The following TRIP11 variants were observed in gnomAD, a reference collection of about 807,000 sequenced individuals.
The protein encoded by TRIP11 is thyroid receptor-interacting protein 11.
TRIP11 carries 148 observed loss-of-function variants against 223.1 expected under a neutral mutation model. The observed-to-expected ratio is 0.66, with a 90% CI of 0.58 to 0.76. TRIP11 has a LOEUF of 0.76. Among genes scored for constraint, TRIP11 ranks in the 30% least tolerant of loss-of-function variants. The pLI is 0.00. For synonymous variants in TRIP11, 762 were observed against 772.6 expected, an observed-to-expected ratio of 0.99 and a Z score of 0.23; for missense variants, 2,043 against 2,222.0, an observed-to-expected ratio of 0.92 and a Z score of 1.62.
In TRIP11 at chr14:92,015,728, C is replaced by T. The variant is rs372119113; in HGVS notation, c.791G>A (p.Arg264Gln). ...HREELSDYEE[R>Q]IEELENLLQQ... ...TAACAGATTTTCAAGTTCTTCAATT[C>T]GTTCTTCATAGTCACTTAATTCTTC... Residue 264 changes from arginine to glutamine, a missense_variant, in exon 6 of 21, where the codon CGA becomes CAA. Arg to Gln is a conservative substitution (Grantham distance 43). Coordinates refer to ENST00000267622, the MANE Select transcript of TRIP11 (RefSeq NM_004239.4). The T allele has an allele frequency of 1.6e-5, 25 of 1,611,500 alleles. No homozygotes were observed. Among genetic ancestry groups the T allele is most frequent in the East Asian group, 2.2e-5 (1 of 44,838 alleles).
At chr14:91,989,257 TC>T (rs1459766781) in intron 15 of TRIP11, among the ~76,000 whole-genome samples, 1 of 152,142 alleles carries the variant, frequency 6.6e-6, no homozygotes, top group African/African-American at 2.4e-5. Flanking sequence ...TCAGCACCAC[TC>T]CCAGTTGAAA....
rs1309383176 is a variant in TRIP11 at position 92,003,894 on chromosome 14, G to T, written c.4082C>A (p.Ala1361Glu). The change falls in exon 11 of 21, where the codon GCA (alanine) becomes GAA (glutamate). Residue 1361 changes from alanine (A) to glutamate (E), a missense_variant. Coordinates refer to ENST00000267622, the MANE Select transcript of TRIP11 (RefSeq NM_004239.4). ...ELRKSLQEKD[A>E]TIRTLQENNH... ...ATTTTCCTGGAGAGTTCTAATTGTT[G>T]CATCTTTTTCCTGTAGTGATTTTCT... is the stretch of plus-strand genomic sequence containing the variant. 1.2e-6 allele frequency: 2 copies of T among 1,613,860 alleles called. No homozygotes were observed. Among genetic ancestry groups the T allele is most frequent in the African/African-American group, 1.3e-5 (1 of 74,904 alleles).
rs2057025015 is a variant in TRIP11 at position 92,015,562 on chromosome 14, G to A, written c.823+134C>T. The A allele has an allele frequency of 9.4e-6, 6 of 639,812 alleles. No homozygotes were observed. In the East Asian group the frequency reaches 1.6e-4, roughly 17 times the overall value. 39.6% of individuals were successfully genotyped at this position (639,812 alleles called of 1,614,324 possible). ...TAATCCAGCTACTTGGGAGGCTGAT[G>A]CAGGAGAATCGCTTGAACCCGGGGG... is the stretch of plus-strand genomic sequence containing the variant. On this transcript the variant is annotated intron_variant, in intron 6 of 20. Coordinates refer to ENST00000267622, the MANE Select transcript of TRIP11 (RefSeq NM_004239.4).
intron 16 of TRIP11, among the ~76,000 whole-genome samples, chr14:91,984,317 C>CTTTTTTTTTTTTTT: frequency 7.8e-6 from 1 of 127,922 alleles, no homozygotes; most frequent in Non-Finnish European, 1.6e-5. Flanking sequence ...TTTTTCTTTT[C>CTTTTTTTTTTTTTT]TTTTTTTTTT....
At chr14:91,990,755 C>T (rs796802031) in intron 15 of TRIP11, among the ~76,000 whole-genome samples, 33 of 152,296 alleles carry the variant, frequency 2.2e-4, no homozygotes, top group African/African-American at 7.2e-4. Context: ...GACAGGAGGA[C>T]TGTTTGAGCC....
intron 16 of TRIP11, among the ~76,000 whole-genome samples, chr14:91,984,472 T>C (rs966339566): frequency 6.6e-6 from 1 of 151,900 alleles, no homozygotes; most frequent in African/African-American, 2.4e-5. Context: ...TGAGCCACCA[T>C]GCCTGGCTAA....
chr14:91,984,830 T>C (rs1382759670), intron 16 of TRIP11, among the ~76,000 whole-genome samples: 2 of 152,222 alleles, frequency 1.3e-5, no homozygotes, highest in East Asian at 3.8e-4. Context: ...ATGTGCTTCA[T>C]AGGCCACTCT....
Position 91,999,292 on chromosome 14 carries a change from T to G in TRIP11, c.4840A>C (p.Thr1614Pro). Residue 1614 changes from threonine (T) to proline (P), a missense_variant, in exon 13 of 21, where the codon ACA becomes CCA. Physicochemically the swap from Thr to Pro is conservative, Grantham distance 38 (BLOSUM62 -1). Transcript: ENST00000267622. ...DREAKLRKKVTVLEEKLVSSS... is the reference protein window; with the variant it reads ...DREAKLRKKVPVLEEKLVSSS... Reference sequence around the variant, plus strand: ...GAAACTAGCTTTTCCTCCAATACTGTGACTTTCTTTCTTAGTTTAGCCTCT... The same window carrying G: ...GAAACTAGCTTTTCCTCCAATACTGGGACTTTCTTTCTTAGTTTAGCCTCT... 6.2e-7 allele frequency: 1 copy of G among 1,613,918 alleles called. No individual in the cohort carries two copies.
rs908012701 is a variant in TRIP11 at position 92,000,048 on chromosome 14, C to T, written c.4618G>A (p.Val1540Ile). 2 of 1,613,876 alleles carry T rather than the reference C, an allele frequency of 1.2e-6. No homozygotes were observed. The highest frequency in any genetic ancestry group is 1.3e-5 in the African/African-American group (1 of 74,910). ...TGGTCTCTCTCCTGTTGAAACACAA[C>T]TGTCTTCTCCTGCATTGATTTAACT... is the stretch of plus-strand genomic sequence containing the variant. ...NAVKSMQEKT[V>I]VFQQERDQVM... Residue 1540 changes from valine to isoleucine, a missense_variant, in exon 12 of 21, where the codon GTT (valine) becomes ATT (isoleucine). Val to Ile is a conservative substitution (Grantham distance 29). Coordinates refer to ENST00000267622, the MANE Select transcript of TRIP11 (RefSeq NM_004239.4).
chr14:92,035,086 C>A (rs1021743910), intron 1 of TRIP11, among the ~76,000 whole-genome samples: 4 of 150,624 alleles, frequency 2.7e-5, no homozygotes, highest in Admixed American at 6.6e-5. Flanking sequence ...AGGTGGATCA[C>A]TTGAGGTCAG....
chr14:91,999,044 C>A (rs1469096178), intron 13 of TRIP11, among the ~76,000 whole-genome samples, 196 bp downstream of exon 13: 1 of 152,150 alleles, frequency 6.6e-6, no homozygotes, highest in Non-Finnish European at 1.5e-5. Context: ...GTCACAGACT[C>A]AAATGTGAAA....
Position 91,995,401 on chromosome 14 carries a change from A to G in TRIP11, c.5007T>C (p.Tyr1669=), listed in dbSNP as rs2140105655. ...LSVSQEQVKQ[Y]ALSLANLQMV... ...TCTGCAGGTTGGCCAGTGACAGAGC[A>G]TACTGCTTTACTTGTTCCTGAGAGA... Residue 1669 remains tyrosine (Y), a synonymous_variant, in exon 14 of 21, where the codon TAT becomes TAC. Transcript: ENST00000267622. The G allele has an allele frequency of 6.2e-7, 1 of 1,614,086 alleles. No homozygotes were observed. The highest frequency in any genetic ancestry group is 1.7e-5 in the Admixed American group (1 of 60,022).
At chr14:91,985,545 C>T (rs2056595169) in intron 16 of TRIP11, among the ~76,000 whole-genome samples, 1 of 152,170 alleles carries the variant, frequency 6.6e-6, no homozygotes, top group Non-Finnish European at 1.5e-5. Context: ...TATAATCAAC[C>T]ATTTGGAATA....
Position 92,004,849 on chromosome 14 carries a change from T to C in TRIP11, c.3127A>G (p.Thr1043Ala). The change falls in exon 11 of 21, where the codon ACT becomes GCT. Residue 1043 changes from threonine to alanine, a missense_variant. Coordinates refer to ENST00000267622, the MANE Select transcript of TRIP11 (RefSeq NM_004239.4). ...TTGGACAACTGATCAATCTGTTTAGTTAAAGATATATTCTTTTCATTTAGA... is the reference window on the plus strand; with the variant it reads ...TTGGACAACTGATCAATCTGTTTAGCTAAAGATATATTCTTTTCATTTAGA... ...KLLNEKNISL[T>A]KQIDQLSKDE... 1 of 1,613,942 alleles carries C rather than the reference T, an allele frequency of 6.2e-7. No individual in the cohort carries two copies. The highest frequency in any genetic ancestry group is 2.2e-5 in the East Asian group (1 of 44,848).
In TRIP11 at chr14:91,968,147, G is replaced by A. The variant is rs2056358316; in HGVS notation, c.*1526C>T. ...CTTGCAAATAACCAAATTTAGTTCT[G>A]GCCTCAGCCAGGACTATTCACATAT... On this transcript the variant is annotated 3_prime_UTR_variant, in exon 21 of 21. Coordinates refer to ENST00000267622, the MANE Select transcript of TRIP11 (RefSeq NM_004239.4). 1 of 200,962 alleles carries A rather than the reference G, an allele frequency of 5.0e-6. No individual in the cohort carries two copies. Among genetic ancestry groups the A allele is most frequent in the Admixed American group, 6.0e-5 (1 of 16,654 alleles). The allele number at this position is 200,962 out of a possible 1,614,324, so 12.4% of individuals were successfully genotyped here.
chr14:91,992,066 C>T (rs568354963), intron 15 of TRIP11, among the ~76,000 whole-genome samples: 11 of 101,890 alleles, frequency 1.1e-4, no homozygotes, highest in African/African-American at 4.1e-4. Flanking sequence ...GAGCAAAGAG[C>T]GAAACGCCGT....
chr14:92,004,625 T>G lies in TRIP11; in HGVS notation c.3351A>C (p.Thr1117=). 1 of 1,614,190 alleles carries G rather than the reference T, an allele frequency of 6.2e-7. No homozygotes were observed. Among genetic ancestry groups the G allele is most frequent in the Non-Finnish European group, 8.5e-7 (1 of 1,180,036 alleles). ...EKTRENSHLK[T]EYHKMMDIVA... ...CAATATCCATCATTTTGTGATATTC[T>G]GTTTTTAGATGGCTATTTTCCCTAG... is the stretch of plus-strand genomic sequence containing the variant. The change falls in exon 11 of 21, where the codon ACA becomes ACC. Residue 1117 remains threonine (T), a synonymous_variant. Coordinates refer to ENST00000267622, the MANE Select transcript of TRIP11 (RefSeq NM_004239.4).
At chr14:92,022,147 T>C (rs1019868007) in intron 3 of TRIP11, among the ~76,000 whole-genome samples, 10 of 152,212 alleles carry the variant, frequency 6.6e-5, no homozygotes, top group Non-Finnish European at 1.2e-4. Context: ...GGCAATTTCT[T>C]AGGGTTCTGT....
At chr14:92,012,789 A>G (rs1250858590) in intron 7 of TRIP11, among the ~76,000 whole-genome samples, 1 of 152,252 alleles carries the variant, frequency 6.6e-6, no homozygotes, top group African/African-American at 2.4e-5. Flanking sequence ...AGAGATAGGC[A>G]GGAACTAGAT....
Sources: gnomAD v4.1 joint callset for allele counts (sites outside exome capture counted in the v4.1 genomes callset) on GRCh38, gnomAD v4.1.1 for gene constraint, MANE v1.5 for transcripts, NCBI Gene and HGNC (gene_info 2026-07-23, HGNC 2026-07-21) for gene names.